Variants in PTPRT observed in about 807,000 individuals in gnomAD.
PTPRT encodes the protein protein tyrosine phosphatase receptor type T.
Under a neutral mutation model 176.8 loss-of-function variants are expected in PTPRT, and 56 were observed. The observed-to-expected ratio is 0.32, with a 90% CI of 0.26 to 0.40. The LOEUF (loss-of-function observed/expected upper bound fraction) is 0.40, where lower values mean the gene tolerates loss of function less well. Ranked by LOEUF, PTPRT falls within the 10% of genes least tolerant of loss-of-function variation. The pLI, the probability that PTPRT is intolerant of heterozygous loss-of-function variation, is 1.00. For missense variants in PTPRT, 1,540 were observed against 1,908.2 expected, an observed-to-expected ratio of 0.81 and a Z score of 3.60; for synonymous variants, 783 against 739.0, an observed-to-expected ratio of 1.06 and a Z score of -0.96.
Position 42,192,611 on chromosome 20 carries a change from AT to A in PTPRT, c.2491+6628del, listed in dbSNP as rs544827950. 3.3e-5 allele frequency among the ~76,000 whole-genome samples: 5 copies of A among 152,186 alleles called. No homozygotes were observed. In the East Asian group the frequency reaches 9.7e-4, roughly 29 times the overall value. ...TGACTGTGTGCTGGCTGCCTGGTAT[AT>A]TTTGGTCATGTTGGGAGGTACAAAG... On this transcript the variant is annotated intron_variant, in intron 16 of 30. Coordinates refer to ENST00000373187, the MANE Select transcript of PTPRT (RefSeq NM_007050.6).
chr20:42,265,139 G>A (rs2056817783), intron 13 of PTPRT, among the ~76,000 whole-genome samples: 2 of 152,080 alleles, frequency 1.3e-5, no homozygotes, highest in Non-Finnish European at 2.9e-5. Context: ...GGAAACTTTG[G>A]GGCTCAAAGC....
At chr20:42,196,440 A>T (rs912515292) in intron 16 of PTPRT, among the ~76,000 whole-genome samples, 1 of 152,174 alleles carries the variant, frequency 6.6e-6, no homozygotes, top group African/African-American at 2.4e-5. Flanking sequence ...TATATTAATC[A>T]CCTCTAAATT....
In PTPRT at chr20:43,189,265, C is replaced by T. The variant is rs969181528; in HGVS notation, c.88+381G>A. On this transcript the variant is annotated intron_variant, in intron 1 of 30. Transcript: ENST00000373187. This position sits in a 1 kb window ranked among gnomAD's most constrained non-coding sequence, Gnocchi z 5.0. The stretch of plus-strand genomic sequence containing the variant: ...CCGAGGAGCTGCCCGGGAGAGAACG[C>T]TCCACCCCGGGCGTCGGTGCCGCTC... 3.9e-5 allele frequency among the ~76,000 whole-genome samples: 6 copies of T among 152,182 alleles called. No homozygotes were observed. Among genetic ancestry groups the T allele is most frequent in the African/African-American group, 7.2e-5 (3 of 41,458 alleles).
chr20:42,744,871 C>T (rs1200219096), intron 6 of PTPRT, among the ~76,000 whole-genome samples: 2 of 152,212 alleles, frequency 1.3e-5, no homozygotes, highest in Non-Finnish European at 2.9e-5. Flanking sequence ...ATTCCTTAAA[C>T]TGGAACTATT....
chr20:42,072,019 C>G (rs982393017), downstream of PTPRT, among the ~76,000 whole-genome samples: 3 of 152,108 alleles, frequency 2.0e-5, no homozygotes, highest in African/African-American at 2.4e-5. Context: ...GAATCCCTGC[C>G]CCTTGATTCT....
chr20:42,685,062 T>C (rs1162269842), intron 6 of PTPRT, among the ~76,000 whole-genome samples: 1 of 152,170 alleles, frequency 6.6e-6, no homozygotes, highest in Non-Finnish European at 1.5e-5. Context: ...CAAGGCAACA[T>C]GCCCGGGGTC....
the PTPRT span, among the ~76,000 whole-genome samples, chr20:42,057,893 T>C: frequency 1.3e-5 from 2 of 152,220 alleles, no homozygotes; most frequent in Admixed American, 6.5e-5. Context: ...CTGTCCTTAC[T>C]TTTTTATAGC....
chr20:42,164,253 C>T (rs1989731921), intron 16 of PTPRT, among the ~76,000 whole-genome samples: 1 of 152,138 alleles, frequency 6.6e-6, no homozygotes, highest in Non-Finnish European at 1.5e-5. Flanking sequence ...AGACAGGCTT[C>T]CTAGGAATGG....
At chr20:42,401,832 G>A (rs1421524751) in intron 9 of PTPRT, among the ~76,000 whole-genome samples, 2 of 152,272 alleles carry the variant, frequency 1.3e-5, no homozygotes, top group East Asian at 3.9e-4. Flanking sequence ...AGCCTAAGCC[G>A]TTGAAACTGA....
At chr20:42,184,581 T>TCTTCTTCTTCTTCTTCTTCTTCTC in intron 16 of PTPRT, among the ~76,000 whole-genome samples, 2 of 141,888 alleles carry the variant, frequency 1.4e-5, no homozygotes, top group East Asian at 4.2e-4. Flanking sequence ...TTCTTCTTCT[T>TCTTCTTCTTCTTCTTCTTCTTCTC]CTTCTTCTTC....
At chr20:42,328,962 AACAC>A in intron 11 of PTPRT, among the ~76,000 whole-genome samples, 1 of 152,280 alleles carries the variant, frequency 6.6e-6, no homozygotes, top group South Asian at 2.1e-4. Flanking sequence ...AGATGAAGAA[AACAC>A]ACACACCACA....
At chr20:42,767,523 G>A (rs1028066923) in intron 5 of PTPRT, among the ~76,000 whole-genome samples, 2 of 151,632 alleles carry the variant, frequency 1.3e-5, no homozygotes, top group Non-Finnish European at 2.9e-5. Context: ...GCCAATTCCT[G>A]TACTAAGTCC....
At chr20:42,485,089 C>A (rs2071444857) in intron 7 of PTPRT, among the ~76,000 whole-genome samples, 1 of 152,184 alleles carries the variant, frequency 6.6e-6, no homozygotes, top group Non-Finnish European at 1.5e-5. Flanking sequence ...AGACTGCAGC[C>A]TGAAGACAGA....
intron 29 of PTPRT, among the ~76,000 whole-genome samples, 194 bp downstream of exon 29, chr20:42,084,488 G>C: frequency 6.6e-6 from 1 of 152,232 alleles, no homozygotes; most frequent in Non-Finnish European, 1.5e-5. Flanking sequence ...TATTAGTTCA[G>C]GACAACAAAC....
At chr20:42,465,726 T>A (rs774373575) in intron 8 of PTPRT, among the ~76,000 whole-genome samples, 8 of 152,188 alleles carry the variant, frequency 5.3e-5, no homozygotes, top group Non-Finnish European at 1.2e-4. Context: ...GCGGTAATAT[T>A]TTTTGGAATA....
intron 1 of PTPRT, among the ~76,000 whole-genome samples, chr20:42,893,351 T>A (rs2079229316): frequency 6.6e-6 from 1 of 152,084 alleles, no homozygotes; most frequent in East Asian, 1.9e-4. Context: ...CATTAAAAAG[T>A]CAGGAAATAA....
At chr20:42,318,173 C>G (rs1053432474) in intron 11 of PTPRT, among the ~76,000 whole-genome samples, 1 of 152,160 alleles carries the variant, frequency 6.6e-6, no homozygotes, top group East Asian at 1.9e-4. Flanking sequence ...CTGTTGAAGT[C>G]AATAAACGTT....
At chr20:42,195,263 A>G (rs1991167917) in intron 16 of PTPRT, among the ~76,000 whole-genome samples, 1 of 152,200 alleles carries the variant, frequency 6.6e-6, no homozygotes, top group East Asian at 1.9e-4. Flanking sequence ...TGCTCAAGGC[A>G]CGTTCTTCTG....
chr20:42,610,123 A>G (rs1425738978), intron 7 of PTPRT, among the ~76,000 whole-genome samples: 1 of 152,184 alleles, frequency 6.6e-6, no homozygotes, highest in Non-Finnish European at 1.5e-5. Flanking sequence ...CTATTTTGCA[A>G]TGTGATACAC....
Sources: gnomAD v4.1 joint callset for allele counts (sites outside exome capture counted in the v4.1 genomes callset) on GRCh38, gnomAD v4.1.1 for gene constraint, Gnocchi (gnomAD v3.1) non-coding constraint, MANE v1.5 for transcripts, NCBI Gene and HGNC (gene_info 2026-07-23, HGNC 2026-07-21) for gene names.